The following TIAM1 variants were observed in gnomAD, a reference collection of about 807,000 sequenced individuals.
TIAM1 encodes rho guanine nucleotide exchange factor TIAM1.
Under a neutral mutation model 163.5 loss-of-function variants are expected in TIAM1, and 65 were observed. The observed-to-expected ratio is 0.40, with a 90% CI of 0.33 to 0.49. TIAM1 has a LOEUF of 0.49. TIAM1 is among the 20% of genes least tolerant of loss of function. The pLI is 0.77. For missense variants in TIAM1, 1,789 were observed against 2,044.7 expected, an observed-to-expected ratio of 0.87 and a Z score of 2.41; for synonymous variants, 833 against 810.1, an observed-to-expected ratio of 1.03 and a Z score of -0.48.
intron 2 of TIAM1, among the ~76,000 whole-genome samples, chr21:31,300,751 G>A (rs2074465698): frequency 6.6e-6 from 1 of 152,200 alleles, no homozygotes; most frequent in Non-Finnish European, 1.5e-5. Context: ...AAAATGTAAG[G>A]ATCTTGGAAA....
At chr21:31,494,492 GAAAAAGTAAGAT>G (rs2046576220) in intron 1 of TIAM1, among the ~76,000 whole-genome samples, 1 of 152,168 alleles carries the variant, frequency 6.6e-6, no homozygotes, top group Non-Finnish European at 1.5e-5. Flanking sequence ...AGCTTGATAT[GAAAAAGTAAGAT>G]GCTTTCCACC....
At chr21:31,146,532 G>A (rs948560134) in intron 20 of TIAM1, among the ~76,000 whole-genome samples, 1 of 150,458 alleles carries the variant, frequency 6.6e-6, no homozygotes, top group Non-Finnish European at 1.5e-5. Context: ...CCAACGTGGC[G>A]AAACTCCATC....
At chr21:31,312,213 A>T (rs1288376129) in intron 2 of TIAM1, among the ~76,000 whole-genome samples, 1 of 151,954 alleles carries the variant, frequency 6.6e-6, no homozygotes, top group Non-Finnish European at 1.5e-5. Flanking sequence ...CTCCCAATAA[A>T]CTCCCCTTCA....
intron 2 of TIAM1, among the ~76,000 whole-genome samples, chr21:31,308,112 G>A (rs560442409): frequency 1.6e-4 from 25 of 152,102 alleles, no homozygotes; most frequent in Non-Finnish European, 3.1e-4. Context: ...TTAGTTGGGC[G>A]TGGTGGTGTG....
chr21:31,254,479 A>C (rs2071985164), intron 4 of TIAM1, among the ~76,000 whole-genome samples: 1 of 152,178 alleles, frequency 6.6e-6, no homozygotes, highest in South Asian at 2.1e-4. Context: ...GGATCACCTG[A>C]GGTCAAGAGT....
intron 6 of TIAM1, among the ~76,000 whole-genome samples, chr21:31,243,287 G>C (rs1473665910): frequency 7.0e-6 from 1 of 142,770 alleles, no homozygotes; most frequent in Non-Finnish European, 1.5e-5. Context: ...AAAATAACCA[G>C]AAGAGCTCAA....
At chr21:31,543,568 A>G (rs1203917636) in intron 1 of TIAM1, among the ~76,000 whole-genome samples, 2 of 152,226 alleles carry the variant, frequency 1.3e-5, no homozygotes, top group African/African-American at 4.8e-5. Flanking sequence ...GAGGAAGCAG[A>G]ACATCGAGGA....
chr21:31,217,483 C>T, intron 9 of TIAM1, 70 bp downstream of exon 9: 2 of 1,558,024 alleles, frequency 1.3e-6, no homozygotes, highest in Non-Finnish European at 1.7e-6. Flanking sequence ...AAGAAACACA[C>T]ACACCCCAAA....
chr21:31,298,398 GAGTT>G (rs567228612), intron 2 of TIAM1, among the ~76,000 whole-genome samples: 39 of 152,304 alleles, frequency 2.6e-4, no homozygotes, highest in Non-Finnish European at 4.9e-4. Flanking sequence ...ACCTGTGAAA[GAGTT>G]AGTGTGTCAT....
chr21:31,210,638 A>AG (rs2086727127), intron 10 of TIAM1, among the ~76,000 whole-genome samples: 2 of 27,118 alleles, frequency 7.4e-5, no homozygotes, highest in East Asian at 7.4e-4. Context: ...AGAAAGAAAG[A>AG]AAGAAAGAAA....
At chr21:31,259,466 G>A (rs1259044470) in intron 4 of TIAM1, among the ~76,000 whole-genome samples, 1 of 151,790 alleles carries the variant, frequency 6.6e-6, no homozygotes, top group Non-Finnish European at 1.5e-5. Flanking sequence ...AGCTGAACTG[G>A]TGGGCATAGT....
At chr21:31,417,167 C>A (rs1192873270) in intron 2 of TIAM1, among the ~76,000 whole-genome samples, 2 of 152,180 alleles carry the variant, frequency 1.3e-5, no homozygotes, top group African/African-American at 4.8e-5. Context: ...GGACTACAGG[C>A]ATGCGCCACC....
At chr21:31,349,927 C>T (rs545657650) in intron 2 of TIAM1, among the ~76,000 whole-genome samples, 1 of 152,292 alleles carries the variant, frequency 6.6e-6, no homozygotes, top group South Asian at 2.1e-4. Context: ...GGGCACATGC[C>T]CAACACTGTC....
At chr21:31,552,537 G>A (rs539943890) in intron 1 of TIAM1, among the ~76,000 whole-genome samples, 1 of 152,088 alleles carries the variant, frequency 6.6e-6, no homozygotes, top group Non-Finnish European at 1.5e-5. Context: ...ACTTTGGGAG[G>A]CCGGGGCAGG....
intron 2 of TIAM1, among the ~76,000 whole-genome samples, chr21:31,394,434 A>C (rs845687): frequency 0.73 from 110,732 of 152,060 alleles, 41,259 homozygotes; most frequent in African/African-American, 0.86. Flanking sequence ...GAACACACGT[A>C]ATTATACATT....
Position 31,119,432 on chromosome 21 carries a change from TCCAA to T in TIAM1, c.*932_*935del, listed in dbSNP as rs2081920733. 1 of 151,376 alleles carries T rather than the reference TCCAA, an allele frequency of 6.6e-6. No homozygotes were observed. Among genetic ancestry groups the T allele is most frequent in the African/African-American group, 2.4e-5 (1 of 41,076 alleles). The allele number at this position is 151,376 out of a possible 1,614,324, so 9.4% of individuals were successfully genotyped here. ...CCGCCCACCGGGGTGTCATGTTTAA[TCCAA>T]CCAAACTCCCATCTCAAATATAGAT... On this transcript the variant is annotated 3_prime_UTR_variant, in exon 28 of 28. Coordinates refer to ENST00000541036, the MANE Select transcript of TIAM1 (RefSeq NM_001353694.2).
chr21:31,162,025 A>G (rs2083951402), intron 16 of TIAM1, among the ~76,000 whole-genome samples: 1 of 152,228 alleles, frequency 6.6e-6, no homozygotes, highest in Admixed American at 6.5e-5. Flanking sequence ...CCACTAATAA[A>G]TTAATTCCTT....
chr21:31,510,778 C>T (rs1347305735), intron 1 of TIAM1, among the ~76,000 whole-genome samples: 1 of 150,866 alleles, frequency 6.6e-6, no homozygotes, highest in Non-Finnish European at 1.5e-5. Context: ...CATGCCACTA[C>T]ACTCCAGCCT....
intron 2 of TIAM1, among the ~76,000 whole-genome samples, chr21:31,280,563 G>A (rs1340071956): frequency 1.3e-5 from 2 of 152,010 alleles, no homozygotes; most frequent in African/African-American, 4.8e-5. Flanking sequence ...CAATTTCTGT[G>A]TCATGTGTCA....
Sources: allele counts gnomAD v4.1 joint callset (sites outside exome capture counted in the v4.1 genomes callset), GRCh38; gene constraint gnomAD v4.1.1; transcripts MANE v1.5; gene names NCBI Gene and HGNC (gene_info 2026-07-23, HGNC 2026-07-21).